FGD4: variants seen among roughly 807,000 people sequenced by gnomAD.
The protein encoded by FGD4 is FYVE, RhoGEF and PH domain-containing protein 4.
FGD4 carries 42 observed loss-of-function variants against 102.0 expected under a neutral mutation model. The observed-to-expected ratio is 0.41, with a 90% CI of 0.32 to 0.53. FGD4 has a LOEUF of 0.53. Ranked by LOEUF, FGD4 falls within the 20% of genes least tolerant of loss-of-function variation. FGD4 has a pLI of 0.21. For synonymous variants in FGD4, 380 were observed against 375.7 expected (o/e 1.01, Z -0.13); for missense variants, 902 against 1,078.2 (o/e 0.84, Z 2.29).
At chr12:32,562,456 G>A (rs1402610891) in intron 1 of FGD4, among the ~76,000 whole-genome samples, 4 of 152,038 alleles carry the variant, frequency 2.6e-5, no homozygotes, top group East Asian at 1.9e-4. Flanking sequence ...GGTGTTTCTC[G>A]CAGAGGGGGA....
chr12:32,638,942 T>G, intron 16 of FGD4, 147 bp downstream of exon 16: 1 of 1,501,074 alleles, frequency 6.7e-7, no homozygotes, highest in Non-Finnish European at 8.9e-7. Flanking sequence ...AAGTTCAAGT[T>G]TGTTGTTTAA....
intron 1 of FGD4, among the ~76,000 whole-genome samples, chr12:32,421,021 G>A (rs889171917): frequency 6.6e-6 from 1 of 152,092 alleles, no homozygotes; most frequent in African/African-American, 2.4e-5. Flanking sequence ...GCCTCTCAAA[G>A]TACTGGGATT....
At chr12:32,576,153 C>T (rs905037042) in intron 2 of FGD4, 113 bp from the exon 3 acceptor site, 21 of 1,070,098 alleles carry the variant, frequency 2.0e-5, no homozygotes, top group Non-Finnish European at 2.8e-5. Context: ...TGACACCTGC[C>T]CCCTTTACAA....
intron 15 of FGD4, among the ~76,000 whole-genome samples, chr12:32,638,281 G>C (rs1282116254): frequency 6.6e-6 from 1 of 152,130 alleles, no homozygotes; most frequent in Non-Finnish European, 1.5e-5. Flanking sequence ...AGACTCTCTG[G>C]GTTCAAATCC....
chr12:32,400,323 TGGTGGA>T (rs1940603832), intron 1 of FGD4, among the ~76,000 whole-genome samples: 1 of 152,104 alleles, frequency 6.6e-6, no homozygotes, highest in Non-Finnish European at 1.5e-5. Flanking sequence ...TGGGCAGCCG[TGGTGGA>T]GGCCTAATAC....
intron 1 of FGD4, among the ~76,000 whole-genome samples, chr12:32,502,610 A>C (rs1938315533): frequency 6.6e-6 from 1 of 152,220 alleles, no homozygotes; most frequent in Non-Finnish European, 1.5e-5. Context: ...AGTCATTTTT[A>C]ATGGTTTTTC....
chr12:32,526,529 G>T lies in FGD4; in HGVS notation c.167-37608G>T, dbSNP rs143788560. On this transcript the variant is annotated intron_variant, in intron 1 of 16. Coordinates refer to ENST00000534526, the MANE Select transcript of FGD4 (RefSeq NM_001370298.3). The stretch of plus-strand genomic sequence containing the variant: ...AGGGATTGTAAACGCACCAATCAGC[G>T]CCCTGACGAAACAGGCCACTCGGTC... Among the ~76,000 whole-genome samples the T allele has an allele frequency of 5.8e-4, 88 of 152,218 alleles. 2 individuals carry two copies. The East Asian group carries it at 0.017, about 29-fold the overall frequency.
chr12:32,414,528 T>G (rs1451104726), intron 1 of FGD4, among the ~76,000 whole-genome samples: 1 of 152,160 alleles, frequency 6.6e-6, no homozygotes, highest in Non-Finnish European at 1.5e-5. Context: ...GTCTTACTTA[T>G]TCTTTCTATT....
At chr12:32,473,888 C>A (rs1442804892) in intron 1 of FGD4, among the ~76,000 whole-genome samples, 1 of 151,922 alleles carries the variant, frequency 6.6e-6, no homozygotes, top group Admixed American at 6.6e-5. Flanking sequence ...GAGATCGAGA[C>A]CATCATGGCT....
intron 1 of FGD4, among the ~76,000 whole-genome samples, chr12:32,412,799 C>T (rs1941257365): frequency 6.6e-6 from 1 of 151,498 alleles, no homozygotes; most frequent in African/African-American, 2.4e-5. Context: ...CCAGGATGGT[C>T]TCAATCTCTA....
At chr12:32,531,621 C>T (rs1941827709) in intron 1 of FGD4, among the ~76,000 whole-genome samples, 1 of 152,194 alleles carries the variant, frequency 6.6e-6, no homozygotes, top group Non-Finnish European at 1.5e-5. Flanking sequence ...CTTGTTATTG[C>T]TGTGTGGTAT....
In FGD4 at chr12:32,576,353, C is replaced by G; in HGVS notation, c.407C>G (p.Pro136Arg). ...CATAAAGCTTTACCTAGTGCAAAAC[C>G]AAGGATGGAGGAAATTAAACCTGCC... ...PRHKALPSAK[P>R]RMEEIKPASA... is the part of the protein sequence containing the mutation. Residue 136 changes from proline (P) to arginine (R), a missense_variant, in exon 3 of 17, where the codon CCA becomes CGA. This residue lies in a region of FGD4 where 443 missense variants were observed against 459.2 expected (regional missense o/e 0.96). Transcript: ENST00000534526. The G allele has an allele frequency of 6.2e-7, 1 of 1,613,984 alleles. No individual in the cohort carries two copies. Among genetic ancestry groups the G allele is most frequent in the Non-Finnish European group, 8.5e-7 (1 of 1,179,984 alleles).
chr12:32,431,401 T>G (rs1942038823), intron 1 of FGD4, among the ~76,000 whole-genome samples: 1 of 152,208 alleles, frequency 6.6e-6, no homozygotes, highest in Non-Finnish European at 1.5e-5. Flanking sequence ...CCAGTGTAAT[T>G]TATACTTTTT....
At chr12:32,621,035 C>G (rs537837599) in intron 11 of FGD4, among the ~76,000 whole-genome samples, 2 of 152,106 alleles carry the variant, frequency 1.3e-5, no homozygotes, top group African/African-American at 4.8e-5. Context: ...CGCATGAACC[C>G]CTGGAATACA....
chr12:32,436,692 C>A (rs1287746500), intron 1 of FGD4, among the ~76,000 whole-genome samples: 8 of 152,140 alleles, frequency 5.3e-5, no homozygotes, highest in Non-Finnish European at 1.0e-4. Flanking sequence ...GGTCTTAAAT[C>A]AATTTGGTTA....
chr12:32,537,164 T>C (rs1403866057), intron 1 of FGD4, among the ~76,000 whole-genome samples: 2 of 152,150 alleles, frequency 1.3e-5, no homozygotes, highest in African/African-American at 4.8e-5. Context: ...CACCTCGGCC[T>C]CCCAAAGTGC....
chr12:32,413,763 C>T (rs1250626884), intron 1 of FGD4, among the ~76,000 whole-genome samples: 1 of 152,124 alleles, frequency 6.6e-6, no homozygotes, highest in East Asian at 1.9e-4. Flanking sequence ...GTACTTCGGA[C>T]CATGGTCACT....
intron 1 of FGD4, among the ~76,000 whole-genome samples, chr12:32,443,534 GTTT>G (rs1178483915): frequency 2.5e-5 from 3 of 118,352 alleles, no homozygotes; most frequent in South Asian, 3.0e-4. Flanking sequence ...TGTGTTTTAG[GTTT>G]TTTTTTTTTT....
chr12:32,604,816 G>A (rs976533593), intron 7 of FGD4, among the ~76,000 whole-genome samples: 2 of 151,876 alleles, frequency 1.3e-5, no homozygotes. Flanking sequence ...GATTCTCACC[G>A]TTCTTACCCA....
Sources: gnomAD v4.1 joint callset for allele counts (sites outside exome capture counted in the v4.1 genomes callset) on GRCh38, gnomAD v4.1.1 for gene constraint, gnomAD v4.1.1 regional missense constraint, MANE v1.5 for transcripts, NCBI Gene and HGNC (gene_info 2026-07-23, HGNC 2026-07-21) for gene names.